The following ADAM12 variants were observed in gnomAD, a reference collection of about 807,000 sequenced individuals.
ADAM12 encodes the protein ADAM metallopeptidase domain 12, also known as disintegrin and metalloproteinase domain-containing protein 12.
Under a neutral mutation model 106.4 loss-of-function variants are expected in ADAM12, and 70 were observed. That is an observed-to-expected ratio of 0.66 (90% CI 0.54 to 0.80). The LOEUF (loss-of-function observed/expected upper bound fraction) is 0.80, where lower values mean the gene tolerates loss of function less well. ADAM12 is among the 30% of genes least tolerant of loss of function. ADAM12 has a pLI of 0.00. For missense variants in ADAM12, 1,010 were observed against 1,171.9 expected (o/e 0.86, Z 2.02); for synonymous variants, 420 against 433.5 (o/e 0.97, Z 0.39).
At chr10:126,158,143 G>A (rs1341540243) in intron 3 of ADAM12, among the ~76,000 whole-genome samples, 2 of 152,214 alleles carry the variant, frequency 1.3e-5, no homozygotes, top group Non-Finnish European at 2.9e-5. Flanking sequence ...GCTGAGAGGG[G>A]ACATGGGTGA....
chr10:126,151,549 C>A (rs2133713878), intron 4 of ADAM12, among the ~76,000 whole-genome samples: 1 of 152,156 alleles, frequency 6.6e-6, no homozygotes, highest in South Asian at 2.1e-4. Flanking sequence ...ATAATTGAAA[C>A]TAGTCTGTAG....
intron 6 of ADAM12, among the ~76,000 whole-genome samples, chr10:126,111,138 G>A (rs1318001570): frequency 6.6e-6 from 1 of 152,110 alleles, no homozygotes; most frequent in Non-Finnish European, 1.5e-5. Flanking sequence ...CCTTCTTGCT[G>A]CCCAGCTGTG....
At chr10:126,314,014 C>T (rs1340012102) in intron 2 of ADAM12, among the ~76,000 whole-genome samples, 1 of 151,858 alleles carries the variant, frequency 6.6e-6, no homozygotes, top group Non-Finnish European at 1.5e-5. Flanking sequence ...GTGCTGTAGG[C>T]ACTCACGGAT....
At chr10:126,094,425 G>C (rs1450067788) in intron 10 of ADAM12, among the ~76,000 whole-genome samples, 2 of 152,156 alleles carry the variant, frequency 1.3e-5, no homozygotes, top group African/African-American at 4.8e-5. Context: ...TCTCCATTCT[G>C]CTTCCTACAA....
At chr10:126,349,267 G>A (rs7912998) in intron 1 of ADAM12, among the ~76,000 whole-genome samples, 9,614 of 152,204 alleles carry the variant, frequency 0.063, 970 homozygotes, top group African/African-American at 0.21. Flanking sequence ...TATACACAAT[G>A]CAGTGTTTCA....
chr10:126,204,132 A>G (rs1013102883), intron 3 of ADAM12, among the ~76,000 whole-genome samples: 1 of 152,198 alleles, frequency 6.6e-6, no homozygotes, highest in Non-Finnish European at 1.5e-5. Context: ...CTCATGGAGA[A>G]GCCACCTCCT....
At chr10:126,106,234 C>G (rs78557121) in intron 8 of ADAM12, among the ~76,000 whole-genome samples, 3,506 of 152,206 alleles carry the variant, frequency 0.023, 109 homozygotes, top group East Asian at 0.084. Context: ...GTTGGCAAGA[C>G]TAGCACTCAT....
At chr10:126,387,487 G>A (rs369676514) in intron 1 of ADAM12, among the ~76,000 whole-genome samples, 4 of 152,134 alleles carry the variant, frequency 2.6e-5, no homozygotes, top group African/African-American at 7.2e-5. Context: ...GAGGGGCAGA[G>A]AGGAAACTAA....
intron 17 of ADAM12, among the ~76,000 whole-genome samples, chr10:126,044,431 G>T (rs1294296260): frequency 6.6e-6 from 1 of 152,198 alleles, no homozygotes; most frequent in East Asian, 1.9e-4. Context: ...GGAGGAGGCT[G>T]TTCTTGGATG....
intron 4 of ADAM12, among the ~76,000 whole-genome samples, chr10:126,138,817 C>T (rs1232363443): frequency 2.3e-5 from 3 of 127,940 alleles, no homozygotes; most frequent in African/African-American, 3.4e-5. Flanking sequence ...CTACACATAT[C>T]TTTTTCTTTT....
At chr10:126,270,345 G>C (rs7072902) in intron 3 of ADAM12, among the ~76,000 whole-genome samples, 93,249 of 151,954 alleles carry the variant, frequency 0.61, 29,296 homozygotes, top group Non-Finnish European at 0.68. Context: ...CGATGCATCA[G>C]CTAAGACAGA....
intron 3 of ADAM12, among the ~76,000 whole-genome samples, chr10:126,174,938 A>G (rs994656422): frequency 6.6e-6 from 1 of 151,860 alleles, no homozygotes; most frequent in African/African-American, 2.4e-5. Flanking sequence ...TTGCATTTTT[A>G]GTAGGGACGG....
intron 2 of ADAM12, among the ~76,000 whole-genome samples, chr10:126,313,685 T>A (rs868590): frequency 0.68 from 103,807 of 151,944 alleles, 36,223 homozygotes; most frequent in Middle Eastern, 0.81. Flanking sequence ...CCACCTGCCC[T>A]TCTATCCACC....
chr10:126,156,047 A>G (rs1422085440), intron 3 of ADAM12, among the ~76,000 whole-genome samples: 2 of 152,234 alleles, frequency 1.3e-5, no homozygotes, highest in Non-Finnish European at 2.9e-5. Flanking sequence ...AATGTCTTAC[A>G]TAACATGCAC....
chr10:126,344,929 A>T (rs1445192491), intron 1 of ADAM12, among the ~76,000 whole-genome samples: 1 of 152,198 alleles, frequency 6.6e-6, no homozygotes, highest in Admixed American at 6.5e-5. Flanking sequence ...TGGGGCTGAG[A>T]CGATGGGGTT....
intron 1 of ADAM12, among the ~76,000 whole-genome samples, chr10:126,344,248 A>G (rs1855051483): frequency 6.6e-6 from 1 of 152,164 alleles, no homozygotes; most frequent in South Asian, 2.1e-4. Flanking sequence ...ATGGCTAGCC[A>G]GTTTTCCCAG....
intron 2 of ADAM12, among the ~76,000 whole-genome samples, chr10:126,308,041 C>T (rs1180156908): frequency 6.6e-6 from 1 of 152,198 alleles, no homozygotes; most frequent in Non-Finnish European, 1.5e-5. Context: ...TGTGATCAGT[C>T]TCTCACTTGC....
intron 1 of ADAM12, among the ~76,000 whole-genome samples, chr10:126,345,493 T>C (rs1370116868): frequency 6.6e-6 from 1 of 152,206 alleles, no homozygotes; most frequent in Non-Finnish European, 1.5e-5. Flanking sequence ...TCCTTTTTTG[T>C]TGTGTCTCTG....
intron 2 of ADAM12, among the ~76,000 whole-genome samples, chr10:126,316,609 C>T (rs1004192872): frequency 2.0e-5 from 3 of 151,956 alleles, no homozygotes; most frequent in Non-Finnish European, 2.9e-5. Context: ...GTTATCTCAG[C>T]ACTTTGGGAG....
Sources: gnomAD v4.1 joint callset for allele counts (sites outside exome capture counted in the v4.1 genomes callset) on GRCh38, gnomAD v4.1.1 for gene constraint, MANE v1.5 for transcripts, NCBI Gene and HGNC (gene_info 2026-07-23, HGNC 2026-07-21) for gene names.